The following SHISA6 variants were observed in gnomAD, a reference collection of about 807,000 sequenced individuals.
SHISA6 encodes the protein protein shisa-6.
Under a neutral mutation model 47.9 loss-of-function variants are expected in SHISA6, and 22 were observed. The observed-to-expected ratio is 0.46, with a 90% CI of 0.33 to 0.66. SHISA6 has a LOEUF of 0.66. Among genes scored for constraint, SHISA6 ranks in the 30% least tolerant of loss-of-function variants. The pLI, the probability that SHISA6 is intolerant of heterozygous loss-of-function variation, is 0.02. For missense variants in SHISA6, 680 were observed against 764.6 expected (o/e 0.89, Z 1.30); for synonymous variants, 388 against 337.8 (o/e 1.15, Z -1.63).
chr17:11,522,212 G>A (rs561645411), intron 3 of SHISA6, among the ~76,000 whole-genome samples: 8 of 152,034 alleles, frequency 5.3e-5, no homozygotes, highest in African/African-American at 1.7e-4. Context: ...TGATCCACCC[G>A]CCTCAGCCTC....
intron 2 of SHISA6, among the ~76,000 whole-genome samples, chr17:11,318,874 G>T (rs577542804): frequency 6.6e-5 from 10 of 151,942 alleles, no homozygotes; most frequent in Non-Finnish European, 1.5e-5. Flanking sequence ...CCTGCTCCTA[G>T]AATTCTCATT....
intron 2 of SHISA6, among the ~76,000 whole-genome samples, chr17:11,348,621 A>G (rs1375822310): frequency 6.6e-6 from 1 of 151,870 alleles, no homozygotes; most frequent in Non-Finnish European, 1.5e-5. Flanking sequence ...TATTCCTTTT[A>G]TTCTATTGGT....
At position 11,514,190 on chromosome 17, in the gene SHISA6, C is replaced by G. The variant is rs541681627; in HGVS notation, c.896-37706C>G. On this transcript the variant is annotated intron_variant, in intron 3 of 5. Coordinates refer to ENST00000441885, the MANE Select transcript of SHISA6 (RefSeq NM_207386.4). ...GTGATCACAGTTCCAGGCAGAACAC[C>G]ATCTAGCTTGACTGTCCTGCCAGTC... Among the ~76,000 whole-genome samples, 17 of 152,244 alleles carry G rather than the reference C, an allele frequency of 1.1e-4. No individual in the cohort carries two copies. The South Asian group carries it at 3.5e-3, about 32-fold the overall frequency.
chr17:11,474,333 T>G (rs543509751), intron 3 of SHISA6, among the ~76,000 whole-genome samples: 1 of 152,210 alleles, frequency 6.6e-6, no homozygotes, highest in Admixed American at 6.5e-5. Context: ...GCTTTTTTTT[T>G]CATGTTTGTT....
Position 11,388,790 on chromosome 17 carries a change from T to TTATATATATATATA in SHISA6, c.895+9319_895+9332dup, listed in dbSNP as rs56048344. On this transcript the variant is annotated intron_variant, in intron 3 of 5. Transcript: ENST00000441885. ...ACAGAACTACTGTTCAAACAAAAGT[T>TTATATATATATATA]TATATATATATATATATATATATAT... Among the ~76,000 whole-genome samples, 16 of 50,016 alleles carry TTATATATATATATA rather than the reference T, an allele frequency of 3.2e-4. 1 individual carries two copies. The highest frequency in any genetic ancestry group is 4.2e-4 in the Non-Finnish European group (11 of 26,464). The allele number at this position is 50,016 out of a possible 152,430, so 32.8% of individuals were successfully genotyped here.
At chr17:11,522,077 T>C (rs2071634379) in intron 3 of SHISA6, among the ~76,000 whole-genome samples, 1 of 151,878 alleles carries the variant, frequency 6.6e-6, no homozygotes, top group South Asian at 2.1e-4. Flanking sequence ...GCCATCCTCC[T>C]GCCTCAGCCT....
At position 11,312,217 on chromosome 17, in the gene SHISA6, TTTCTC is replaced by T. The variant is rs368682074; in HGVS notation, c.799+48695_799+48699del. ...ATTGCCACTTTTATCCATTAATCCT[TTTCTC>T]TTCATTTCCCTGAGTTTTATTATCT... On this transcript the variant is annotated intron_variant, in intron 2 of 5. Transcript: ENST00000441885. 4.1e-3 allele frequency among the ~76,000 whole-genome samples: 623 copies of T among 152,284 alleles called. 5 individuals carry two copies. Among genetic ancestry groups the T allele is most frequent in the African/African-American group, 0.014 (594 of 41,556 alleles).
At position 11,557,817 on chromosome 17, in the gene SHISA6, G is replaced by C. The variant is rs1045396065; in HGVS notation, c.1169G>C (p.Gly390Ala). 4 of 1,551,176 alleles carry C rather than the reference G, an allele frequency of 2.6e-6. No individual in the cohort carries two copies. In the African/African-American group the frequency reaches 5.5e-5, roughly 21 times the overall value. The change falls in exon 6 of 6, where the codon GGC becomes GCC. Residue 390 changes from glycine (G) to alanine (A), a missense_variant. Gly to Ala is a moderately conservative substitution (Grantham distance 60, BLOSUM62 0). Around this residue, in one of 2 missense-constraint regions of SHISA6, gnomAD observed 559 missense variants for 674.1 expected, o/e 0.83. Transcript: ENST00000441885. Reference protein sequence around the residue: ...RRHLPDLAARGTLPLNVIQMS... With the variant: ...RRHLPDLAARATLPLNVIQMS... ...CACCTGCCCGACCTGGCTGCCCGCG[G>C]CACCCTCCCCCTCAATGTCATCCAG... is the stretch of plus-strand genomic sequence containing the variant.
chr17:11,451,006 A>AAC (rs1555536217), intron 3 of SHISA6, among the ~76,000 whole-genome samples: 8 of 151,878 alleles, frequency 5.3e-5, no homozygotes, highest in Non-Finnish European at 7.4e-5. Flanking sequence ...AAAAAAAAAA[A>AAC]AAAAAAACAG....
chr17:11,516,285 C>T (rs1396134933), intron 3 of SHISA6, among the ~76,000 whole-genome samples: 1 of 152,190 alleles, frequency 6.6e-6, no homozygotes. Context: ...GATGCCAAGG[C>T]AACTCCTTGC....
At chr17:11,273,647 C>A (rs186855408) in intron 2 of SHISA6, among the ~76,000 whole-genome samples, 2 of 152,218 alleles carry the variant, frequency 1.3e-5, no homozygotes, top group Admixed American at 1.3e-4. Context: ...GGGCTAGGAG[C>A]CTTCATTATC....
intron 2 of SHISA6, among the ~76,000 whole-genome samples, chr17:11,311,851 C>T (rs990754688): frequency 1.3e-5 from 2 of 152,114 alleles, no homozygotes; most frequent in African/African-American, 4.8e-5. Flanking sequence ...TCTTGGCTCA[C>T]TGCAAACTCC....
At chr17:11,246,937 A>G (rs554191067) in intron 1 of SHISA6, among the ~76,000 whole-genome samples, 4 of 152,090 alleles carry the variant, frequency 2.6e-5, no homozygotes, top group African/African-American at 9.7e-5. Context: ...CACTGTCTTC[A>G]TGTCCCTTCC....
At chr17:11,491,828 A>G (rs1033406502) in intron 3 of SHISA6, among the ~76,000 whole-genome samples, 4 of 145,976 alleles carry the variant, frequency 2.7e-5, no homozygotes, top group African/African-American at 1.0e-4. Context: ...CTGGAGTGCA[A>G]TGGTGCGATC....
chr17:11,372,804 T>G (rs1333266817), intron 2 of SHISA6, among the ~76,000 whole-genome samples: 1 of 152,100 alleles, frequency 6.6e-6, no homozygotes, highest in Non-Finnish European at 1.5e-5. Flanking sequence ...CAGAAGGGCC[T>G]AAGCACCATT....
intron 2 of SHISA6, among the ~76,000 whole-genome samples, chr17:11,271,145 G>GA: frequency 1.3e-5 from 2 of 152,178 alleles, no homozygotes; most frequent in South Asian, 4.2e-4. Flanking sequence ...TGTGAGGGGT[G>GA]AAGGGTGGGG....
At chr17:11,319,542 A>G (rs9893806) in intron 2 of SHISA6, among the ~76,000 whole-genome samples, 111,972 of 152,116 alleles carry the variant, frequency 0.74, 41,378 homozygotes, top group Middle Eastern at 0.77. Context: ...TCTTTTTCAT[A>G]CTGCTGTTCT....
chr17:11,476,197 G>C (rs1280748972), intron 3 of SHISA6, among the ~76,000 whole-genome samples: 1 of 151,912 alleles, frequency 6.6e-6, no homozygotes, highest in East Asian at 1.9e-4. Context: ...AGCTCAGCTA[G>C]AGGCTTATCA....
At chr17:11,542,871 G>T (rs754541565) in intron 3 of SHISA6, among the ~76,000 whole-genome samples, 9 of 152,116 alleles carry the variant, frequency 5.9e-5, no homozygotes, top group Non-Finnish European at 1.2e-4. Context: ...AATGGCTTCA[G>T]AGAGACCTGA....
Sources: gnomAD v4.1 joint callset for allele counts (sites outside exome capture counted in the v4.1 genomes callset) on GRCh38, gnomAD v4.1.1 for gene constraint, gnomAD v4.1.1 regional missense constraint, MANE v1.5 for transcripts, NCBI Gene and HGNC (gene_info 2026-07-23, HGNC 2026-07-21) for gene names.